Variants in PCDHGB4 observed in about 807,000 individuals in gnomAD.
PCDHGB4 encodes the protein protocadherin gamma-B4.
Under a neutral mutation model 60.5 loss-of-function variants are expected in PCDHGB4, and 38 were observed. The ratio of observed to expected loss-of-function variants is 0.63; its 90% CI spans 0.48 to 0.82. The LOEUF (loss-of-function observed/expected upper bound fraction) is 0.82, where lower values mean the gene tolerates loss of function less well. Among genes scored for constraint, PCDHGB4 ranks in the 40% least tolerant of loss-of-function variants. PCDHGB4 has a pLI of 0.00. For synonymous variants in PCDHGB4, 456 were observed against 509.7 expected, an observed-to-expected ratio of 0.89 and a Z score of 1.42; for missense variants, 1,109 against 1,209.6, an observed-to-expected ratio of 0.92 and a Z score of 1.23.
At chr5:141,392,885 G>C in intron 1 of PCDHGB4, 1 of 1,613,654 alleles carries the variant, frequency 6.2e-7, no homozygotes, top group Non-Finnish European at 8.5e-7. Flanking sequence ...GAACGCTGTG[G>C]GAAATCGGGA....
intron 1 of PCDHGB4, among the ~76,000 whole-genome samples, chr5:141,402,640 T>G (rs1180615388): frequency 1.3e-5 from 2 of 152,232 alleles, no homozygotes; most frequent in East Asian, 3.8e-4. Flanking sequence ...TCTAAAATCA[T>G]AATTAGAAGA....
intron 2 of PCDHGB4, among the ~76,000 whole-genome samples, chr5:141,500,881 T>G (rs940387787): frequency 1.0e-5 from 1 of 99,136 alleles, no homozygotes; most frequent in Non-Finnish European, 1.9e-5. Context: ...TTTACAATTT[T>G]TTTTTTTTGA....
At chr5:141,483,648 T>TTGTGTG (rs111458813) in intron 1 of PCDHGB4, among the ~76,000 whole-genome samples, 20,229 of 149,628 alleles carry the variant, frequency 0.14, 2,147 homozygotes, top group African/African-American at 0.31. Context: ...GGGTGTGTGT[T>TTGTGTG]TGTGTGTGTG....
intron 1 of PCDHGB4, chr5:141,422,160 A>C: frequency 6.4e-7 from 1 of 1,573,304 alleles, no homozygotes; most frequent in South Asian, 1.2e-5. Context: ...TGGATTTTGA[A>C]AAATATAGAT....
At chr5:141,428,066 A>T in intron 1 of PCDHGB4, 2 of 1,609,118 alleles carry the variant, frequency 1.2e-6, no homozygotes, top group Non-Finnish European at 1.7e-6. Context: ...CGGTGGACGC[A>T]GATTCGGGAC....
chr5:141,399,576 C>G, intron 1 of PCDHGB4: 1 of 1,614,028 alleles, frequency 6.2e-7, no homozygotes, highest in South Asian at 1.1e-5. Flanking sequence ...ACGGCCAAGT[C>G]TCCTACTCTA....
At position 141,410,774 on chromosome 5, in the gene PCDHGB4, C is replaced by T; in HGVS notation, c.2397+20493C>T. 4 of 955,126 alleles carry T rather than the reference C, an allele frequency of 4.2e-6. No individual in the cohort carries two copies. The South Asian group carries it at 6.1e-5, about 15-fold the overall frequency. The allele number at this position is 955,126 out of a possible 1,614,324, so 59.2% of individuals were successfully genotyped here. ...AATGTTTTTTCAATTATAGTTTTCA[C>T]TATGTATTTGGTTCATAAGTTGCTC... On this transcript the variant is annotated intron_variant, in intron 1 of 3. Coordinates refer to ENST00000519479, the MANE Select transcript of PCDHGB4 (RefSeq NM_003736.4).
chr5:141,494,943 G>A, intron 2 of PCDHGB4, 78 bp downstream of exon 2: 2 of 1,610,326 alleles, frequency 1.2e-6, no homozygotes, highest in Non-Finnish European at 1.7e-6. Flanking sequence ...ATGGGGGAGG[G>A]CCCAGCATTT....
chr5:141,409,130 G>A, intron 1 of PCDHGB4: 1 of 1,613,994 alleles, frequency 6.2e-7, no homozygotes, highest in South Asian at 1.1e-5. Context: ...ATTTGATTTT[G>A]AAGATGTAGA....
At chr5:141,414,677 AG>A in intron 1 of PCDHGB4, 1 of 1,613,794 alleles carries the variant, frequency 6.2e-7, no homozygotes, top group Non-Finnish European at 8.5e-7. Context: ...GACACCATCC[AG>A]GGGGTACCTC....
intron 1 of PCDHGB4, chr5:141,433,292 C>A: frequency 9.2e-7 from 1 of 1,082,526 alleles, no homozygotes; most frequent in South Asian, 1.6e-5. Context: ...CTCCTAGGCT[C>A]AAGCAATTAT....
intron 1 of PCDHGB4, among the ~76,000 whole-genome samples, chr5:141,438,935 G>A (rs1306603362): frequency 6.6e-6 from 1 of 151,810 alleles, no homozygotes; most frequent in African/African-American, 2.4e-5. Context: ...CAAAGTGCTG[G>A]GATTATAGGC....
chr5:141,502,179 A>C (rs1403845758), intron 2 of PCDHGB4, among the ~76,000 whole-genome samples: 3 of 152,218 alleles, frequency 2.0e-5, no homozygotes, highest in African/African-American at 7.2e-5. Context: ...GGAATTTAAC[A>C]TTAATACAAT....
intron 1 of PCDHGB4, among the ~76,000 whole-genome samples, chr5:141,437,331 A>G (rs2097876062): frequency 6.6e-6 from 1 of 152,244 alleles, no homozygotes; most frequent in Non-Finnish European, 1.5e-5. Context: ...TAAAATTTGT[A>G]GCTTCACTGT....
intron 1 of PCDHGB4, chr5:141,393,114 C>T (rs750579370): frequency 1.9e-6 from 3 of 1,613,418 alleles, no homozygotes; most frequent in Non-Finnish European, 8.5e-7. Context: ...TCAGAGCCCG[C>T]GGTGTCTGAT....
intron 2 of PCDHGB4, among the ~76,000 whole-genome samples, chr5:141,499,301 TC>T (rs771049830): frequency 6.6e-6 from 1 of 152,166 alleles, no homozygotes; most frequent in Non-Finnish European, 1.5e-5. Context: ...CTACCATCCC[TC>T]CTCTGAGAGA....
At chr5:141,394,859 C>G in intron 1 of PCDHGB4, 4 of 1,613,758 alleles carry the variant, frequency 2.5e-6, no homozygotes, top group Non-Finnish European at 3.4e-6. Flanking sequence ...AGCCTTCGGT[C>G]GACCCGAACG....
intron 1 of PCDHGB4, among the ~76,000 whole-genome samples, chr5:141,482,329 T>A (rs1334833454): frequency 6.6e-6 from 1 of 152,160 alleles, no homozygotes; most frequent in Non-Finnish European, 1.5e-5. Context: ...ATAAAGAGAA[T>A]ATCTACTTTG....
intron 1 of PCDHGB4, among the ~76,000 whole-genome samples, chr5:141,488,571 A>G (rs2099677106): frequency 6.6e-6 from 1 of 152,194 alleles, no homozygotes; most frequent in East Asian, 1.9e-4. Flanking sequence ...TCCGCAAAGC[A>G]TTGCTGGAGA....
Sources: gnomAD v4.1 joint callset for allele counts (sites outside exome capture counted in the v4.1 genomes callset) on GRCh38, gnomAD v4.1.1 for gene constraint, MANE v1.5 for transcripts, NCBI Gene and HGNC (gene_info 2026-07-23, HGNC 2026-07-21) for gene names.